Variants in GNG12 observed in about 807,000 individuals in gnomAD.
GNG12 encodes G protein subunit gamma 12.
For synonymous variants in GNG12, 28 were observed against 29.7 expected (o/e 0.94, Z 0.19); for missense variants, 69 against 83.8 (o/e 0.82, Z 0.69).
chr1:67,742,028 T>C (rs1193335256), intron 2 of GNG12, among the ~76,000 whole-genome samples: 1 of 152,158 alleles, frequency 6.6e-6, no homozygotes, highest in African/African-American at 2.4e-5. Flanking sequence ...GAAAGTTGTT[T>C]CAATGTTTCA....
chr1:67,785,917 A>G (rs1340952417), intron 1 of GNG12, among the ~76,000 whole-genome samples: 2 of 152,158 alleles, frequency 1.3e-5, no homozygotes, highest in Admixed American at 1.3e-4. Flanking sequence ...TTTCTCAAAA[A>G]TTCTCTGTGT....
chr1:67,726,055 A>G (rs1646383434), intron 2 of GNG12, among the ~76,000 whole-genome samples: 1 of 152,240 alleles, frequency 6.6e-6, no homozygotes, highest in African/African-American at 2.4e-5. Flanking sequence ...GGAATGGAGT[A>G]GGAGGATTCC....
At chr1:67,826,269 T>C (rs916128830) in intron 1 of GNG12, among the ~76,000 whole-genome samples, 5 of 152,242 alleles carry the variant, frequency 3.3e-5, no homozygotes, top group Admixed American at 2.0e-4. Flanking sequence ...ACCTAGACTT[T>C]TGCAGGCTTG....
chr1:67,713,536 C>G (rs1386503433), intron 2 of GNG12, among the ~76,000 whole-genome samples: 2 of 152,080 alleles, frequency 1.3e-5, no homozygotes, highest in Non-Finnish European at 2.9e-5. Context: ...GGGAGGAAGG[C>G]ACCAGGAAGC....
chr1:67,719,354 T>C (rs1570483237), intron 2 of GNG12, among the ~76,000 whole-genome samples: 1 of 152,296 alleles, frequency 6.6e-6, no homozygotes, highest in South Asian at 2.1e-4. Context: ...TGCTTACATC[T>C]TATGGGTTCA....
chr1:67,805,448 C>T (rs1318364010), intron 1 of GNG12, among the ~76,000 whole-genome samples: 5 of 152,182 alleles, frequency 3.3e-5, no homozygotes, highest in Middle Eastern at 6.8e-3. Context: ...AAGTAGGCAA[C>T]ATGCAAGAAC....
intron 2 of GNG12, among the ~76,000 whole-genome samples, chr1:67,753,781 G>A (rs1256098691): frequency 6.6e-6 from 1 of 152,228 alleles, no homozygotes; most frequent in East Asian, 1.9e-4. Flanking sequence ...GCACTGGCCT[G>A]AGACTGGAAA....
intron 2 of GNG12, among the ~76,000 whole-genome samples, chr1:67,725,144 C>T (rs1441555844): frequency 6.6e-6 from 1 of 152,162 alleles, no homozygotes; most frequent in African/African-American, 2.4e-5. Flanking sequence ...AATGCTCAGG[C>T]TCTGGGTCAC....
At chr1:67,735,412 T>G (rs1387198116) in intron 2 of GNG12, among the ~76,000 whole-genome samples, 1 of 152,212 alleles carries the variant, frequency 6.6e-6, no homozygotes, top group African/African-American at 2.4e-5. Context: ...TTTGAGTGAA[T>G]GCTGGCAAAG....
chr1:67,738,640 TGGGAGGC>T (rs950545487), intron 2 of GNG12, among the ~76,000 whole-genome samples: 3 of 152,156 alleles, frequency 2.0e-5, no homozygotes, highest in African/African-American at 7.2e-5. Context: ...CCCGGCACTC[TGGGAGGC>T]GGGAGGATCA....
At chr1:67,770,294 G>A (rs1037801473) in intron 2 of GNG12, among the ~76,000 whole-genome samples, 3 of 152,212 alleles carry the variant, frequency 2.0e-5, no homozygotes, top group African/African-American at 7.2e-5. Flanking sequence ...AATGGAGAGG[G>A]CTCAGCCTTT....
chr1:67,802,642 C>T (rs1419379718), intron 1 of GNG12, among the ~76,000 whole-genome samples: 2 of 152,182 alleles, frequency 1.3e-5, no homozygotes, highest in Non-Finnish European at 2.9e-5. Context: ...CTCACCATCC[C>T]GAGGCAGTAG....
At chr1:67,707,316 G>T (rs1158512546) in intron 3 of GNG12, among the ~76,000 whole-genome samples, 1 of 152,214 alleles carries the variant, frequency 6.6e-6, no homozygotes, top group East Asian at 1.9e-4. Flanking sequence ...AGAACACAGG[G>T]ATCAACGGAC....
chr1:67,804,868 C>G (rs968412035), intron 1 of GNG12, among the ~76,000 whole-genome samples: 3 of 152,106 alleles, frequency 2.0e-5, no homozygotes, highest in Admixed American at 6.6e-5. Flanking sequence ...AGTTTTACCT[C>G]TAGAAGCTCT....
rs942700590 is a variant in GNG12, at chr1:67,702,943, T to C, written c.*2508A>G. On this transcript the variant is annotated 3_prime_UTR_variant, in exon 4 of 4. Coordinates refer to ENST00000370982, the MANE Select transcript of GNG12 (RefSeq NM_018841.6). ...GAAAAAGTAACAAACACTGGGTATT[T>C]GTCTATCATTAACATAAACCAACTG... The C allele has an allele frequency of 6.6e-6, 1 of 152,228 alleles. No individual in the cohort carries two copies. The highest frequency in any genetic ancestry group is 2.4e-5 in the African/African-American group (1 of 41,460). 9.4% of individuals were successfully genotyped at this position (152,228 alleles called of 1,614,324 possible). A position where few individuals can be genotyped will look rare whatever the true frequency, so the allele number is the denominator to read the frequency against.
At chr1:67,832,287 A>T (rs1056549032) in intron 1 of GNG12, 1 of 152,012 alleles carries the variant, frequency 6.6e-6, no homozygotes, top group African/African-American at 2.4e-5. Flanking sequence ...GTGTTCAGAG[A>T]TTTCCTTCTC....
chr1:67,794,059 G>A (rs1646816136), intron 1 of GNG12, among the ~76,000 whole-genome samples: 1 of 152,168 alleles, frequency 6.6e-6, no homozygotes, highest in Non-Finnish European at 1.5e-5. Context: ...GAATCTTAAG[G>A]CACCAAATGG....
At chr1:67,738,339 GCAA>G (rs1490650962) in intron 2 of GNG12, among the ~76,000 whole-genome samples, 6 of 152,126 alleles carry the variant, frequency 3.9e-5, no homozygotes, top group Non-Finnish European at 7.3e-5. Flanking sequence ...CAATCACTGT[GCAA>G]CAATAGCCAC....
At chr1:67,749,504 T>A (rs184334832) in intron 2 of GNG12, among the ~76,000 whole-genome samples, 2 of 152,306 alleles carry the variant, frequency 1.3e-5, no homozygotes, top group Admixed American at 1.3e-4. Flanking sequence ...CCCCACTGCA[T>A]ATATAGTAAC....
Sources: allele counts gnomAD v4.1 joint callset (sites outside exome capture counted in the v4.1 genomes callset), GRCh38; gene constraint gnomAD v4.1.1; transcripts MANE v1.5; gene names NCBI Gene and HGNC (gene_info 2026-07-23, HGNC 2026-07-21).